Variants in PAK2 observed in about 807,000 individuals in gnomAD.
The protein encoded by PAK2 is p21 (RAC1) activated kinase 2.
In PAK2, 21 loss-of-function variants were observed where a neutral mutation model predicts 65.9. The observed-to-expected ratio is 0.32, with a 90% CI of 0.23 to 0.46. The LOEUF (loss-of-function observed/expected upper bound fraction) is 0.46. PAK2 is among the 20% of genes least tolerant of loss of function. The pLI is 1.00. For missense variants in PAK2, 324 were observed against 642.6 expected, an observed-to-expected ratio of 0.50 and a Z score of 5.36; for synonymous variants, 204 against 219.7, an observed-to-expected ratio of 0.93 and a Z score of 0.63.
chr3:196,794,621 G>C (rs1560106738), intron 2 of PAK2, among the ~76,000 whole-genome samples: 1 of 152,342 alleles, frequency 6.6e-6, no homozygotes, highest in East Asian at 1.9e-4. Context: ...GGTGGCATAG[G>C]GAGAGCTACC....
At position 196,759,489 on chromosome 3, in the gene PAK2, G is replaced by GTTTTTTT. The variant is rs1418582155; in HGVS notation, c.-22+19334_-22+19340dup. Among the ~76,000 whole-genome samples, 91 of 98,840 alleles carry GTTTTTTT rather than the reference G, an allele frequency of 9.2e-4. 5 individuals are homozygous for GTTTTTTT. The highest frequency in any genetic ancestry group is 1.4e-3 in the South Asian group (4 of 2,858). The allele number at this position is 98,840 out of a possible 152,430, so 64.8% of individuals were successfully genotyped here. ...ACCCTTTAAGGTATACAGTTAAGTG[G>GTTTTTTT]TTTTTTTTGTTTTTTTTTTTTTTTT... is the stretch of plus-strand genomic sequence containing the variant. On this transcript the variant is annotated intron_variant, in intron 1 of 14. Transcript: ENST00000327134.
At chr3:196,749,957 G>T (rs1713514557) in intron 1 of PAK2, among the ~76,000 whole-genome samples, 1 of 151,468 alleles carries the variant, frequency 6.6e-6, no homozygotes, top group African/African-American at 2.4e-5. Flanking sequence ...GAGTAGCCAG[G>T]ACTACAGATA....
Position 196,829,640 on chromosome 3 carries a change from T to C in PAK2, c.*1235T>C, listed in dbSNP as rs1325836495. 2 of 152,184 alleles carry C rather than the reference T, an allele frequency of 1.3e-5. No individual in the cohort carries two copies. The highest frequency in any genetic ancestry group is 2.1e-4 in the South Asian group (1 of 4,832). 9.4% of individuals were successfully genotyped at this position (152,184 alleles called of 1,614,324 possible). Reference sequence around the variant, plus strand: ...TGTAGAGACTTGGCGGCGGTGGCATTGCCCCAGGTCGTCAGCAGTGTGGTA... The same window carrying C: ...TGTAGAGACTTGGCGGCGGTGGCATCGCCCCAGGTCGTCAGCAGTGTGGTA... On this transcript the variant is annotated 3_prime_UTR_variant, in exon 15 of 15. Transcript: ENST00000327134.
At chr3:196,783,579 CAAAAA>C (rs11417269) in intron 2 of PAK2, among the ~76,000 whole-genome samples, 1 of 114,876 alleles carries the variant, frequency 8.7e-6, no homozygotes, top group African/African-American at 3.4e-5. Context: ...GAGACTCTCT[CAAAAA>C]AAAAAAAAAA....
At chr3:196,825,468 C>G (rs1194531201) in intron 13 of PAK2, among the ~76,000 whole-genome samples, 1 of 151,056 alleles carries the variant, frequency 6.6e-6, no homozygotes, top group East Asian at 1.9e-4. Flanking sequence ...ACAGTGAAAC[C>G]CCGTCTCTAC....
At chr3:196,812,919 T>C (rs1577742137) in intron 10 of PAK2, 68 bp downstream of exon 10, 1 of 705,946 alleles carries the variant, frequency 1.4e-6, no homozygotes, top group Non-Finnish European at 2.5e-6. Context: ...GTTTCGGGGG[T>C]GGGGCTGGCC....
chr3:196,751,667 TTATATACATATA>T (rs1713593665), intron 1 of PAK2, among the ~76,000 whole-genome samples: 1 of 45,108 alleles, frequency 2.2e-5, no homozygotes, highest in African/African-American at 1.0e-4. Context: ...ACAAATTTAT[TTATATACATATA>T]TATATATATA....
Position 196,806,686 on chromosome 3 carries a change from A to C in PAK2, c.576A>C (p.Ser192=), listed in dbSNP as rs777154749. The C allele has an allele frequency of 6.4e-7, 1 of 1,556,876 alleles. No homozygotes were observed. The highest frequency in any genetic ancestry group is 1.1e-5 in the South Asian group (1 of 89,922). Residue 192 remains serine, a splice_region_variant and synonymous_variant, in exon 6 of 15, where the codon TCA becomes TCC. Coordinates refer to ENST00000327134, the MANE Select transcript of PAK2 (RefSeq NM_002577.4). ...CCCCGCGACCGGATCATACGAAATCAGTGAGTCTCCATCGGTGATCTAGGC... is the reference window on the plus strand; with the variant it reads ...CCCCGCGACCGGATCATACGAAATCCGTGAGTCTCCATCGGTGATCTAGGC... The part of the protein sequence containing the change: ...VIAPRPDHTK[S]IYTRSVIDPV...
At position 196,752,594 on chromosome 3, in the gene PAK2, A is replaced by G. The variant is rs567625780; in HGVS notation, c.-22+12437A>G. On this transcript the variant is annotated intron_variant, in intron 1 of 14. Transcript: ENST00000327134. ...TTCTTTTGGTAATTTTGTTTTATTT[A>G]TTTGTTTGTTTGTTTGTTTGTTTGA... Among the ~76,000 whole-genome samples, 16 of 151,276 alleles carry G rather than the reference A, an allele frequency of 1.1e-4. No individual in the cohort carries two copies. The East Asian group carries it at 1.8e-3, about 17-fold the overall frequency.
At chr3:196,811,244 C>CTTCCTTTCCT (rs1560113666) in intron 8 of PAK2, among the ~76,000 whole-genome samples, 1 of 20,868 alleles carries the variant, frequency 4.8e-5, no homozygotes, top group Non-Finnish European at 1.1e-4. Flanking sequence ...CCTTCCTTCC[C>CTTCCTTTCCT]TCCCTCCCCT....
intron 8 of PAK2, among the ~76,000 whole-genome samples, chr3:196,811,460 C>T (rs1183731594): frequency 7.9e-6 from 1 of 126,108 alleles, no homozygotes; most frequent in South Asian, 2.8e-4. Context: ...CAGCTCACTG[C>T]AACCTCTGCC....
At chr3:196,800,529 A>G (rs942056556) in intron 2 of PAK2, among the ~76,000 whole-genome samples, 6 of 152,238 alleles carry the variant, frequency 3.9e-5, no homozygotes, top group African/African-American at 1.4e-4. Context: ...GAGGACCTCG[A>G]TTACCCAAAC....
rs1560089772 is a variant in PAK2, at chr3:196,751,671, A to ATATATATATATATATATG, written c.-22+11516_-22+11517insTATATATATATATATGTA. Among the ~76,000 whole-genome samples, 32 of 27,400 alleles carry ATATATATATATATATATG rather than the reference A, an allele frequency of 1.2e-3. No individual in the cohort carries two copies. The East Asian group carries it at 0.015, about 12-fold the overall frequency. 18.0% of individuals were successfully genotyped at this position (27,400 alleles called of 152,430 possible). A position where few individuals can be genotyped will look rare whatever the true frequency, so the allele number is the denominator to read the frequency against. On this transcript the variant is annotated intron_variant, in intron 1 of 14. Transcript: ENST00000327134. ...CCAAAAAACACACAAATTTATTTATATACATATATATATATATATATATAA... is the reference window on the plus strand; with the variant it reads ...CCAAAAAACACACAAATTTATTTATATATATATATATATATATGTACATATATATATATATATATATAA...
intron 1 of PAK2, among the ~76,000 whole-genome samples, chr3:196,768,504 GTATT>G (rs60665499): frequency 3.4e-5 from 5 of 149,006 alleles, no homozygotes; most frequent in African/African-American, 9.9e-5. Context: ...ATGTATGTAT[GTATT>G]TATTTATTTA....
chr3:196,802,117 G>T (rs566199167), intron 3 of PAK2, 90 bp downstream of exon 3: 188 of 772,746 alleles, frequency 2.4e-4, no homozygotes, highest in Non-Finnish European at 3.4e-5. Context: ...TAACATTTCA[G>T]GCCAGGTGCG....
At chr3:196,812,015 T>C (rs1010393745) in intron 8 of PAK2, among the ~76,000 whole-genome samples, 1 of 152,130 alleles carries the variant, frequency 6.6e-6, no homozygotes, top group Non-Finnish European at 1.5e-5. Context: ...GTCTGAAATA[T>C]TTCACACATA....
At chr3:196,793,001 A>G (rs1715122753) in intron 2 of PAK2, among the ~76,000 whole-genome samples, 1 of 152,080 alleles carries the variant, frequency 6.6e-6, no homozygotes, top group South Asian at 2.1e-4. Context: ...TCCCTTGTAG[A>G]AATTCTGGAA....
rs58841227 is a variant in PAK2 at position 196,771,716 on chromosome 3, G to A, written c.-21-10910G>A. 3.4e-3 allele frequency among the ~76,000 whole-genome samples: 513 copies of A among 152,050 alleles called. 3 individuals carry two copies. The highest frequency in any genetic ancestry group is 0.012 in the African/African-American group (500 of 41,470). On this transcript the variant is annotated intron_variant, in intron 1 of 14. Transcript: ENST00000327134. ...TGGGATTACAGGTGCTTGCCACCACGCCTGGCTAATTTTGTATTTTTAGTA... is the reference window on the plus strand; with the variant it reads ...TGGGATTACAGGTGCTTGCCACCACACCTGGCTAATTTTGTATTTTTAGTA...
chr3:196,746,435 G>A lies in PAK2; in HGVS notation c.-22+6278G>A, dbSNP rs540170809. On this transcript the variant is annotated intron_variant, in intron 1 of 14. Transcript: ENST00000327134. ...TCAAAGGTATCACAAGGTATATATC[G>A]TGAATAACCAAAATCCCACTCATAT... Among the ~76,000 whole-genome samples the A allele has an allele frequency of 2.6e-5, 4 of 152,192 alleles. No individual in the cohort carries two copies. The East Asian group carries it at 5.8e-4, about 22-fold the overall frequency.
Sources: allele counts gnomAD v4.1 joint callset (sites outside exome capture counted in the v4.1 genomes callset), GRCh38; gene constraint gnomAD v4.1.1; transcripts MANE v1.5; gene names NCBI Gene and HGNC (gene_info 2026-07-23, HGNC 2026-07-21).